The following STPG2 variants were observed in gnomAD, a reference collection of about 807,000 sequenced individuals.
The protein encoded by STPG2 is sperm-tail PG-rich repeat-containing protein 2.
STPG2 carries 56 observed loss-of-function variants against 54.2 expected under a neutral mutation model. That is an observed-to-expected ratio of 1.03 (90% confidence interval 0.83 to 1.29). The LOEUF is 1.29. Among genes scored for constraint, STPG2 ranks in the 50% most tolerant of loss-of-function variants. The pLI, the probability that STPG2 is intolerant of heterozygous loss-of-function variation, is 0.00. For synonymous variants in STPG2, 200 were observed against 181.8 expected (o/e 1.10, Z -0.81); for missense variants, 596 against 544.9 (o/e 1.09, Z -0.93).
At chr4:97,865,718 G>T (rs905980281) in intron 8 of STPG2, among the ~76,000 whole-genome samples, 1 of 151,814 alleles carries the variant, frequency 6.6e-6, no homozygotes, top group Non-Finnish European at 1.5e-5. Flanking sequence ...GGGTGAGGGG[G>T]AAGGGATAGT....
chr4:97,907,296 A>T (rs1445938969), intron 8 of STPG2, among the ~76,000 whole-genome samples: 20 of 152,134 alleles, frequency 1.3e-4, no homozygotes, highest in African/African-American at 4.8e-4. Context: ...AATACCTAGG[A>T]ATCCAACTTA....
intron 2 of STPG2, among the ~76,000 whole-genome samples, chr4:98,133,808 T>A (rs933148516): frequency 6.6e-6 from 1 of 151,992 alleles, no homozygotes; most frequent in Non-Finnish European, 1.5e-5. Flanking sequence ...CCAATACATA[T>A]AAATGCAAAA....
chr4:97,486,165 A>G (rs1578335947), intron 4 of STPG2, among the ~76,000 whole-genome samples: 1 of 151,920 alleles, frequency 6.6e-6, no homozygotes, highest in Non-Finnish European at 1.5e-5. Context: ...GAAAAAGAGT[A>G]AATAACTGGG....
Position 97,816,589 on chromosome 4 carries a change from T to C in STPG2, c.1204+24184A>G, listed in dbSNP as rs113585321. On this transcript the variant is annotated intron_variant, in intron 9 of 10. Transcript: ENST00000295268. The stretch of plus-strand genomic sequence containing the variant: ...GTTTCTGAAGAGATTAGTATTTGAA[T>C]TGGTAGACTGAGTAAAGCAGATTGC... Among the ~76,000 whole-genome samples, 873 of 152,236 alleles carry C rather than the reference T, an allele frequency of 5.7e-3. 5 individuals carry two copies. The highest frequency in any genetic ancestry group is 0.02 in the Middle Eastern group (6 of 294).
At chr4:98,040,227 G>A (rs150248976) in intron 5 of STPG2, among the ~76,000 whole-genome samples, 3 of 151,944 alleles carry the variant, frequency 2.0e-5, no homozygotes, top group Admixed American at 2.0e-4. Context: ...TTAGTCCCTT[G>A]TCAGATGCAT....
intron 8 of STPG2, among the ~76,000 whole-genome samples, chr4:97,880,559 C>A (rs1289206817): frequency 2.0e-5 from 3 of 151,428 alleles, no homozygotes; most frequent in African/African-American, 7.3e-5. Context: ...TAGGGAAGTC[C>A]GCAAATTAGA....
intron 4 of STPG2, among the ~76,000 whole-genome samples, chr4:97,483,030 C>A (rs897572270): frequency 1.3e-5 from 2 of 151,630 alleles, no homozygotes; most frequent in African/African-American, 4.8e-5. Context: ...CACCACCAAG[C>A]CATCACTACA....
At position 97,973,791 on chromosome 4, in the gene STPG2, C is replaced by T. The variant is rs777551101; in HGVS notation, c.773-1351G>A. On this transcript the variant is annotated intron_variant, in intron 6 of 10. Transcript: ENST00000295268. ...GTGCAAGCCCAAGCCTTGGCAGCTA[C>T]GTATGGAAATTCCTGGATGTTCAGG... Among the ~76,000 whole-genome samples, 47 of 152,018 alleles carry T rather than the reference C, an allele frequency of 3.1e-4. 1 individual carries two copies. Among genetic ancestry groups the T allele is most frequent in the African/African-American group, 1.1e-3 (47 of 41,410 alleles).
chr4:98,142,503 T>A (rs915403492), intron 1 of STPG2, among the ~76,000 whole-genome samples: 2 of 151,918 alleles, frequency 1.3e-5, no homozygotes, highest in East Asian at 1.9e-4. Context: ...CTTTACAGAA[T>A]GTGGAGAAAA....
chr4:97,508,492 C>T (rs1730901035), intron 4 of STPG2, among the ~76,000 whole-genome samples: 1 of 151,954 alleles, frequency 6.6e-6, no homozygotes, highest in East Asian at 1.9e-4. Flanking sequence ...TTAAGCAATA[C>T]ATTTCAATAT....
At chr4:97,619,449 A>C (rs1278007743) in intron 10 of STPG2, among the ~76,000 whole-genome samples, 3 of 152,154 alleles carry the variant, frequency 2.0e-5, no homozygotes, top group Non-Finnish European at 4.4e-5. Flanking sequence ...AAATTTTTGA[A>C]ACATTAACTA....
chr4:97,525,327 GT>G (rs1299405286), intron 4 of STPG2, among the ~76,000 whole-genome samples: 1 of 151,842 alleles, frequency 6.6e-6, no homozygotes, highest in East Asian at 1.9e-4. Flanking sequence ...AGTACCCAGA[GT>G]TTACACAGGA....
At chr4:97,848,660 G>T (rs577002238) in intron 8 of STPG2, among the ~76,000 whole-genome samples, 1 of 151,924 alleles carries the variant, frequency 6.6e-6, no homozygotes, top group South Asian at 2.1e-4. Context: ...TTAATCCATC[G>T]TGAATTGATT....
At chr4:97,905,204 G>A (rs557396245) in intron 8 of STPG2, among the ~76,000 whole-genome samples, 8 of 151,990 alleles carry the variant, frequency 5.3e-5, no homozygotes, top group African/African-American at 1.9e-4. Flanking sequence ...GGCAGCCAGA[G>A]AGAAAGGTCG....
chr4:97,836,003 T>C (rs970512129), intron 9 of STPG2, among the ~76,000 whole-genome samples: 22 of 152,100 alleles, frequency 1.4e-4, no homozygotes, highest in Non-Finnish European at 1.3e-4. Flanking sequence ...AAGTGGTTTC[T>C]TGAAATGGGA....
intron 9 of STPG2, among the ~76,000 whole-genome samples, chr4:97,814,987 T>G (rs1211138982): frequency 6.6e-6 from 1 of 152,088 alleles, no homozygotes; most frequent in Non-Finnish European, 1.5e-5. Flanking sequence ...TATTTCTTAG[T>G]ATTACTGTGC....
chr4:97,984,400 C>T (rs1190608265), intron 5 of STPG2, among the ~76,000 whole-genome samples: 2 of 152,214 alleles, frequency 1.3e-5, no homozygotes, highest in African/African-American at 4.8e-5. Flanking sequence ...CCGCCTCAGC[C>T]TCCCAAAGTC....
chr4:97,603,533 A>G (rs1733517704), intron 10 of STPG2, among the ~76,000 whole-genome samples: 1 of 151,660 alleles, frequency 6.6e-6, no homozygotes, highest in Admixed American at 6.6e-5. Context: ...ATTATTCAAG[A>G]TAGCTAAAAT....
intron 1 of STPG2, among the ~76,000 whole-genome samples, chr4:98,137,440 T>C (rs1005884790): frequency 2.0e-5 from 3 of 151,910 alleles, no homozygotes; most frequent in African/African-American, 7.2e-5. Flanking sequence ...CTTTTTGTTT[T>C]TGTTTTCCTC....
Sources: allele counts gnomAD v4.1 joint callset (sites outside exome capture counted in the v4.1 genomes callset), GRCh38; gene constraint gnomAD v4.1.1; transcripts MANE v1.5; gene names NCBI Gene and HGNC (gene_info 2026-07-23, HGNC 2026-07-21).